The following ERCC6L2 variants were observed in gnomAD, a reference collection of about 807,000 sequenced individuals.
ERCC6L2 encodes the protein DNA excision repair protein ERCC-6-like 2.
ERCC6L2 carries 77 observed loss-of-function variants against 132.0 expected under a neutral mutation model. The observed-to-expected ratio is 0.58, with a 90% CI of 0.49 to 0.71. The LOEUF (loss-of-function observed/expected upper bound fraction) is 0.71. Among genes scored for constraint, ERCC6L2 ranks in the 30% least tolerant of loss-of-function variants. The probability of loss-of-function intolerance (pLI) is 0.00; values close to 1 mark genes in which losing one functional copy is unlikely to be tolerated. For synonymous variants in ERCC6L2, 583 were observed against 632.4 expected, an observed-to-expected ratio of 0.92 and a Z score of 1.17; for missense variants, 1,542 against 1,837.6, an observed-to-expected ratio of 0.84 and a Z score of 2.94.
At chr9:95,927,317 A>C (rs1177678927) in intron 9 of ERCC6L2, among the ~76,000 whole-genome samples, 1 of 152,042 alleles carries the variant, frequency 6.6e-6, no homozygotes, top group Non-Finnish European at 1.5e-5. Context: ...AAATTGTTTT[A>C]GTGTTTGTTT....
At chr9:96,031,421 C>T (rs1255763603) in intron 19 of ERCC6L2, among the ~76,000 whole-genome samples, 3 of 152,162 alleles carry the variant, frequency 2.0e-5, no homozygotes, top group Non-Finnish European at 4.4e-5. Context: ...GTGCTAGGGG[C>T]CTTGAGGCCT....
intron 3 of ERCC6L2, among the ~76,000 whole-genome samples, chr9:95,906,284 TC>T (rs1196844281): frequency 6.6e-6 from 1 of 152,166 alleles, no homozygotes; most frequent in African/African-American, 2.4e-5. Flanking sequence ...TTTTTGTTTT[TC>T]GGATTTTTTT....
At chr9:96,012,186 A>G in intron 18 of ERCC6L2, 39 bp from the exon 19 acceptor site, 1 of 1,165,564 alleles carries the variant, frequency 8.6e-7, no homozygotes, top group Non-Finnish European at 1.1e-6. Flanking sequence ...AATAAAATGT[A>G]ATGAAAATAA....
At chr9:95,969,729 T>C (rs1832328259) in intron 14 of ERCC6L2, among the ~76,000 whole-genome samples, 1 of 152,152 alleles carries the variant, frequency 6.6e-6, no homozygotes, top group African/African-American at 2.4e-5. Context: ...ATAAAGGACT[T>C]GCAGCAGTTC....
chr9:95,953,124 A>G (rs1173349649), intron 12 of ERCC6L2, among the ~76,000 whole-genome samples: 1 of 152,192 alleles, frequency 6.6e-6, no homozygotes, highest in African/African-American at 2.4e-5. Flanking sequence ...CAGTTTGGAA[A>G]GTGCCTGTAG....
intron 3 of ERCC6L2, chr9:95,905,269 ACT>A (rs1294569999): frequency 6.6e-6 from 1 of 152,190 alleles, no homozygotes; most frequent in African/African-American, 2.4e-5. Context: ...TAATAGCATA[ACT>A]CAGTTCTCTG....
At chr9:95,899,600 ATG>A (rs56991965) in intron 3 of ERCC6L2, among the ~76,000 whole-genome samples, 4,876 of 134,692 alleles carry the variant, frequency 0.036, 229 homozygotes, top group African/African-American at 0.12. Context: ...TTATATATAT[ATG>A]TGTGTGTGTG....
At chr9:95,928,668 A>G in intron 10 of ERCC6L2, 51 bp from the exon 11 acceptor site, 1 of 1,521,010 alleles carries the variant, frequency 6.6e-7, no homozygotes, top group Non-Finnish European at 8.8e-7. Flanking sequence ...AATGGTCTGA[A>G]ACTTACTTAA....
intron 12 of ERCC6L2, among the ~76,000 whole-genome samples, chr9:95,947,510 A>G (rs1343412501): frequency 1.3e-5 from 2 of 152,226 alleles, no homozygotes; most frequent in African/African-American, 4.8e-5. Context: ...AGCTGCAGCA[A>G]GTTATCCAGA....
intron 2 of ERCC6L2, among the ~76,000 whole-genome samples, chr9:95,889,245 C>A (rs2132554371): frequency 6.6e-6 from 1 of 152,240 alleles, no homozygotes; most frequent in East Asian, 1.9e-4. Context: ...GATCGTATAT[C>A]ACCTTGGATA....
At chr9:95,906,683 A>C (rs1406181640) in intron 3 of ERCC6L2, 5 of 457,886 alleles carry the variant, frequency 1.1e-5, no homozygotes, top group Non-Finnish European at 2.2e-5. Context: ...AGGAGACCAT[A>C]TATTTCAAGA....
intron 15 of ERCC6L2, 48 bp from the exon 16 acceptor site, chr9:95,971,885 A>G (rs1480065920): frequency 2.5e-6 from 3 of 1,192,426 alleles, no homozygotes; most frequent in African/African-American, 1.6e-5. Flanking sequence ...TTGATTCCAC[A>G]TTATATCTTG....
At chr9:95,985,060 G>A (rs956599470) in intron 17 of ERCC6L2, among the ~76,000 whole-genome samples, 1 of 152,090 alleles carries the variant, frequency 6.6e-6, no homozygotes, top group Non-Finnish European at 1.5e-5. Context: ...ACTCCAATTT[G>A]ACCCAATTCA....
At chr9:96,008,214 C>A (rs552047721) in intron 18 of ERCC6L2, among the ~76,000 whole-genome samples, 2 of 152,242 alleles carry the variant, frequency 1.3e-5, no homozygotes, top group South Asian at 2.1e-4. Flanking sequence ...TGTTGGGACA[C>A]TGGTTTGTTC....
At chr9:96,030,735 C>T (rs1834447218) in intron 19 of ERCC6L2, among the ~76,000 whole-genome samples, 2 of 151,694 alleles carry the variant, frequency 1.3e-5, no homozygotes, top group South Asian at 2.1e-4. Context: ...TAACACTCAC[C>T]GCGAAGGTAC....
downstream of ERCC6L2, among the ~76,000 whole-genome samples, chr9:96,022,374 T>C (rs1056177802): frequency 1.3e-5 from 2 of 152,144 alleles, no homozygotes; most frequent in Non-Finnish European, 2.9e-5. Context: ...GGCTGGCAGG[T>C]ATGAAGCCCG....
intron 6 of ERCC6L2, among the ~76,000 whole-genome samples, chr9:95,919,114 G>A (rs1033157354): frequency 2.6e-5 from 4 of 152,064 alleles, no homozygotes; most frequent in African/African-American, 7.2e-5. Context: ...TGATCTGCCT[G>A]CCTCCCAAAG....
At chr9:95,945,357 G>T (rs778065494) in intron 12 of ERCC6L2, among the ~76,000 whole-genome samples, 2 of 152,134 alleles carry the variant, frequency 1.3e-5, no homozygotes, top group African/African-American at 4.8e-5. Context: ...CTGTTATCCT[G>T]TTCTTTTTTC....
intron 9 of ERCC6L2, among the ~76,000 whole-genome samples, chr9:95,925,880 G>A (rs373996865): frequency 2.0e-5 from 3 of 152,238 alleles, no homozygotes; most frequent in African/African-American, 7.2e-5. Context: ...AACTCTTAAA[G>A]CTCAACAATG....
Sources: allele counts gnomAD v4.1 joint callset (sites outside exome capture counted in the v4.1 genomes callset), GRCh38; gene constraint gnomAD v4.1.1; transcripts MANE v1.5; gene names NCBI Gene and HGNC (gene_info 2026-07-23, HGNC 2026-07-21).